ULK2: variants seen among roughly 807,000 people sequenced by gnomAD.
ULK2 encodes the protein unc-51 like autophagy activating kinase 2, also known as serine/threonine-protein kinase ULK2.
In ULK2, 76 loss-of-function variants were observed where a neutral mutation model predicts 127.5. The observed-to-expected ratio is 0.60, with a 90% confidence interval of 0.50 to 0.72. ULK2 has a LOEUF of 0.72. Ranked by LOEUF, ULK2 falls within the 30% of genes least tolerant of loss-of-function variation. The probability of loss-of-function intolerance (pLI) is 0.00; values close to 1 mark genes in which losing one functional copy is unlikely to be tolerated. For synonymous variants in ULK2, 452 were observed against 461.9 expected (o/e 0.98, Z 0.28); for missense variants, 1,144 against 1,295.9 (o/e 0.88, Z 1.80).
At position 19,797,518 on chromosome 17, in the gene ULK2, G is replaced by C; in HGVS notation, c.1687C>G (p.Pro563Ala). The change falls in exon 18 of 27, where the codon CCT (proline) becomes GCT (alanine). Residue 563 changes from proline (P) to alanine (A), a missense_variant. By Grantham distance (27) the Pro-to-Ala change is conservative. Transcript: ENST00000395544. ...SHTGAGYSYS[P>A]QPSRPGSLGT... ...AGGCTGCCAGGCCGACTGGGCTGAG[G>C]CGAGTAGCTGTACCCAGCCCCAGTA... 6.2e-7 allele frequency: 1 copy of C among 1,613,986 alleles called. No individual in the cohort carries two copies. Among genetic ancestry groups the C allele is most frequent in the Non-Finnish European group, 8.5e-7 (1 of 1,180,038 alleles).
intron 3 of ULK2, among the ~76,000 whole-genome samples, chr17:19,862,702 G>C (rs984261867): frequency 1.8e-4 from 27 of 152,030 alleles, no homozygotes; most frequent in Non-Finnish European, 4.0e-4. Context: ...CCAACCTCAG[G>C]TGACCCACCT....
chr17:19,864,870 AT>A (rs764289327), intron 2 of ULK2, 26 bp from the exon 3 acceptor site: 6 of 1,127,312 alleles, frequency 5.3e-6, no homozygotes, highest in East Asian at 2.7e-5. Context: ...AGAATGAAAA[AT>A]ATGTAAGTAT....
At chr17:19,840,164 T>C (rs1426535410) in intron 9 of ULK2, 1 of 467,378 alleles carries the variant, frequency 2.1e-6, no homozygotes, top group South Asian at 1.6e-5. Flanking sequence ...GCCTGGCCAC[T>C]GTGCCCCCGA....
intron 4 of ULK2, among the ~76,000 whole-genome samples, 154 bp downstream of exon 4, chr17:19,849,588 A>C (rs1264612035): frequency 6.6e-6 from 1 of 152,080 alleles, no homozygotes; most frequent in Non-Finnish European, 1.5e-5. Context: ...TCACTGAATC[A>C]ACTTTATTAA....
At chr17:19,829,507 A>G (rs1292867741) in intron 10 of ULK2, among the ~76,000 whole-genome samples, 1 of 121,518 alleles carries the variant, frequency 8.2e-6, no homozygotes, top group Non-Finnish European at 1.6e-5. Context: ...ACCGCACTCC[A>G]GACTAGGTGA....
At chr17:19,863,512 T>TG (rs1024241242) in intron 3 of ULK2, among the ~76,000 whole-genome samples, 1 of 151,092 alleles carries the variant, frequency 6.6e-6, no homozygotes, top group Non-Finnish European at 1.5e-5. Flanking sequence ...TTTTTTTTTT[T>TG]TTTTAAGAGA....
rs181490357 is a variant in ULK2, at chr17:19,848,530, G to A, written c.295+839C>T. ...TGTGTGGCTCACGCCTGTAATCCCA[G>A]CACTTTGGGAGGCTGAGGCGGGCCG... On this transcript the variant is annotated intron_variant, in intron 5 of 26. Coordinates refer to ENST00000395544, the MANE Select transcript of ULK2 (RefSeq NM_014683.4). 5.6e-4 allele frequency among the ~76,000 whole-genome samples: 85 copies of A among 152,272 alleles called. No homozygotes were observed. The East Asian group carries it at 0.015, about 28-fold the overall frequency.
intron 13 of ULK2, among the ~76,000 whole-genome samples, chr17:19,814,744 C>T (rs1271019172): frequency 6.6e-6 from 1 of 151,992 alleles, no homozygotes; most frequent in Non-Finnish European, 1.5e-5. Context: ...AAGAATCTCA[C>T]TATGTTGCCC....
chr17:19,797,701 T>C lies in ULK2; in HGVS notation c.1523-19A>G, dbSNP rs769586606. ...GGAGAACCTAACAAGAAAACAAATG[T>C]AACATTAACCTGAAGTGAAGAAGTG... On this transcript the variant is annotated intron_variant, in intron 17 of 26. Transcript: ENST00000395544. 8 of 1,476,012 alleles carry C rather than the reference T, an allele frequency of 5.4e-6. No individual in the cohort carries two copies. Among genetic ancestry groups the C allele is most frequent in the Non-Finnish European group, 7.2e-6 (8 of 1,112,508 alleles). 91.4% of individuals were successfully genotyped at this position (1,476,012 alleles called of 1,614,324 possible). A position where few individuals can be genotyped will look rare whatever the true frequency, so the allele number is the denominator to read the frequency against.
chr17:19,770,859 C>T lies in ULK2; in HGVS notation c.*5490G>A, dbSNP rs1414202836. On this transcript the variant is annotated 3_prime_UTR_variant, in exon 27 of 27. Transcript: ENST00000395544. ...TCGATCAAATGCTTGAGTTTATTAA[C>T]ATGTCTCCCAAGTCTTTTTTACTGG... is the stretch of plus-strand genomic sequence containing the variant. 3.3e-5 allele frequency: 5 copies of T among 152,218 alleles called. No individual in the cohort carries two copies. The highest frequency in any genetic ancestry group is 5.9e-5 in the Non-Finnish European group (4 of 68,042). The allele number at this position is 152,218 out of a possible 1,614,324, so 9.4% of individuals were successfully genotyped here. A position where few individuals can be genotyped will look rare whatever the true frequency, so the allele number is the denominator to read the frequency against.
intron 3 of ULK2, among the ~76,000 whole-genome samples, chr17:19,857,054 C>T (rs2042148234): frequency 6.6e-6 from 1 of 151,142 alleles, no homozygotes; most frequent in Admixed American, 6.6e-5. Flanking sequence ...ACCTGTAATC[C>T]CAACACTTTG....
intron 11 of ULK2, among the ~76,000 whole-genome samples, 169 bp downstream of exon 11, chr17:19,825,970 G>A (rs1438176006): frequency 1.9e-5 from 2 of 106,054 alleles, no homozygotes; most frequent in African/African-American, 3.1e-5. Flanking sequence ...TGGGCAACAA[G>A]AGCGAAACTC....
intron 1 of ULK2, 38 bp from the exon 2 acceptor site, chr17:19,865,866 C>A (rs1306211124): frequency 2.3e-6 from 3 of 1,278,490 alleles, no homozygotes; most frequent in Non-Finnish European, 3.3e-6. Flanking sequence ...AGATACCATT[C>A]CACATAAATA....
At chr17:19,849,629 T>G (rs1330639081) in intron 4 of ULK2, 113 bp downstream of exon 4, 2 of 875,288 alleles carry the variant, frequency 2.3e-6, no homozygotes, top group Non-Finnish European at 3.5e-6. Context: ...ACTACCAATT[T>G]TAAAGTTCAT....
chr17:19,851,416 T>A (rs1053240217), intron 3 of ULK2, among the ~76,000 whole-genome samples: 1 of 148,200 alleles, frequency 6.7e-6, no homozygotes, highest in Non-Finnish European at 1.5e-5. Context: ...GGTGGGCAGA[T>A]CACCTGAGGT....
intron 3 of ULK2, among the ~76,000 whole-genome samples, chr17:19,859,121 C>T (rs914240879): frequency 1.3e-5 from 2 of 152,154 alleles, no homozygotes; most frequent in African/African-American, 4.8e-5. Context: ...GACCTCATCT[C>T]TATTAATTAA....
Position 19,771,630 on chromosome 17 carries a change from T to C in ULK2, c.*4719A>G, listed in dbSNP as rs1406525954. 6.6e-6 allele frequency: 1 copy of C among 152,092 alleles called. No homozygotes were observed. Among genetic ancestry groups the C allele is most frequent in the African/African-American group, 2.4e-5 (1 of 41,398 alleles). 9.4% of individuals were successfully genotyped at this position (152,092 alleles called of 1,614,324 possible). A position where few individuals can be genotyped will look rare whatever the true frequency, so the allele number is the denominator to read the frequency against. On this transcript the variant is annotated 3_prime_UTR_variant, in exon 27 of 27. Coordinates refer to ENST00000395544, the MANE Select transcript of ULK2 (RefSeq NM_014683.4). Reference sequence around the variant, plus strand: ...CACGTGCCAGGGGCTGGGCAAAGAATTTCATATTCATTAACTTATTTCTCA... The same window carrying C: ...CACGTGCCAGGGGCTGGGCAAAGAACTTCATATTCATTAACTTATTTCTCA...
chr17:19,780,380 T>C, intron 25 of ULK2, 92 bp downstream of exon 25: 1 of 1,220,662 alleles, frequency 8.2e-7, no homozygotes, highest in South Asian at 2.2e-5. Context: ...AGACATTATC[T>C]TTTAAAAGGA....
At chr17:19,812,379 C>T (rs191134342) in intron 13 of ULK2, among the ~76,000 whole-genome samples, 50 of 152,260 alleles carry the variant, frequency 3.3e-4, no homozygotes, top group African/African-American at 1.1e-3. Flanking sequence ...TGCCCCTCAA[C>T]CTAAGATGGT....
Sources: gnomAD v4.1 joint callset for allele counts (sites outside exome capture counted in the v4.1 genomes callset) on GRCh38, gnomAD v4.1.1 for gene constraint, MANE v1.5 for transcripts, NCBI Gene and HGNC (gene_info 2026-07-23, HGNC 2026-07-21) for gene names.